PCDHA3: variants seen among roughly 807,000 people sequenced by gnomAD.
PCDHA3 encodes the protein protocadherin alpha-3.
Under a neutral mutation model 62.2 loss-of-function variants are expected in PCDHA3, and 41 were observed. The observed-to-expected ratio is 0.66, with a 90% CI of 0.51 to 0.86. PCDHA3 has a LOEUF of 0.86. Among genes scored for constraint, PCDHA3 ranks in the 40% least tolerant of loss-of-function variants. PCDHA3 has a pLI of 0.00. For synonymous variants in PCDHA3, 640 were observed against 555.4 expected (o/e 1.15, Z -2.14); for missense variants, 1,304 against 1,241.2 (o/e 1.05, Z -0.76).
chr5:140,801,241 TG>T lies in PCDHA3; in HGVS notation c.45del (p.Leu16PhefsTer62). 6.2e-7 allele frequency: 1 copy of T among 1,613,232 alleles called. No individual in the cohort carries two copies. The highest frequency in any genetic ancestry group is 1.7e-4 in the Middle Eastern group (1 of 5,990). ...GAAGATCCTGGAGCCCAGTGCCTGC[TG>T]CTTTCTCTTCTGCTCCTCGCAGCCT... ...WREDPGAQCL[L>X]LSLLLLAASE... On this transcript the variant is annotated frameshift_variant, in exon 1 of 4. Transcript: ENST00000522353. LOFTEE classifies it high-confidence loss of function.
chr5:140,834,722 G>T (rs1773225539), intron 1 of PCDHA3: 1 of 1,614,146 alleles, frequency 6.2e-7, no homozygotes, highest in Non-Finnish European at 8.5e-7. Context: ...TGGAAAGGCC[G>T]CTGCAGGTTT....
rs782621350 is a variant in PCDHA3 at position 140,876,591 on chromosome 5, C to T, written c.2394+73000C>T. ...TGGGTACCGTCATTGCCCTGATTAG[C>T]GTGTCGGATCGTGACTCTGGAGCCA... On this transcript the variant is annotated intron_variant, in intron 1 of 3. Transcript: ENST00000522353. 9.5e-5 allele frequency: 153 copies of T among 1,614,058 alleles called. 1 individual carries two copies. The highest frequency in any genetic ancestry group is 8.2e-4 in the Middle Eastern group (5 of 6,082).
intron 1 of PCDHA3, chr5:140,882,808 G>A (rs1554175666): frequency 6.2e-7 from 1 of 1,614,208 alleles, no homozygotes; most frequent in Non-Finnish European, 8.5e-7. Flanking sequence ...ATTTCACTTT[G>A]GACGCACAAA....
chr5:140,963,543 T>C (rs1390082859), intron 1 of PCDHA3, among the ~76,000 whole-genome samples: 2 of 152,238 alleles, frequency 1.3e-5, no homozygotes, highest in East Asian at 1.9e-4. Flanking sequence ...TACTTCATGA[T>C]ATAAAAAGGG....
At chr5:140,861,554 C>G (rs1023234694) in intron 1 of PCDHA3, 16 of 398,878 alleles carry the variant, frequency 4.0e-5, no homozygotes, top group African/African-American at 3.3e-4. Flanking sequence ...TGGAAGTGAT[C>G]GTGGACAAGC....
chr5:140,910,183 A>C (rs2074920018), intron 1 of PCDHA3, among the ~76,000 whole-genome samples: 1 of 152,238 alleles, frequency 6.6e-6, no homozygotes, highest in Non-Finnish European at 1.5e-5. Context: ...TTTATAATTC[A>C]AATTAGTCTT....
At chr5:140,860,143 GTA>G (rs1352808505) in intron 1 of PCDHA3, 2 of 148,758 alleles carry the variant, frequency 1.3e-5, no homozygotes, top group Non-Finnish European at 3.0e-5. Flanking sequence ...GTATATATAT[GTA>G]TATATGTGTA....
At chr5:140,959,611 C>T (rs2095501064) in intron 1 of PCDHA3, among the ~76,000 whole-genome samples, 1 of 151,848 alleles carries the variant, frequency 6.6e-6, no homozygotes, top group Non-Finnish European at 1.5e-5. Context: ...GCTTTTCTTG[C>T]TTGTGATAGA....
chr5:140,862,039 C>A (rs1554155581), intron 1 of PCDHA3: 1 of 155,382 alleles, frequency 6.4e-6, no homozygotes, highest in African/African-American at 2.4e-5. Context: ...GGGTTCAAAC[C>A]GTCACATTGT....
At chr5:140,875,277 G>T in intron 1 of PCDHA3, 1 of 1,315,080 alleles carries the variant, frequency 7.6e-7, no homozygotes, top group African/African-American at 1.5e-5. Context: ...CACTCAGAAG[G>T]TGAAACAGGA....
chr5:140,879,019 T>C (rs1554170641), intron 1 of PCDHA3, among the ~76,000 whole-genome samples: 2 of 152,216 alleles, frequency 1.3e-5, no homozygotes, highest in African/African-American at 4.8e-5. Flanking sequence ...AGATAATGTT[T>C]TATTGAAGAG....
At chr5:140,841,506 G>A in intron 1 of PCDHA3, 1 of 1,613,388 alleles carries the variant, frequency 6.2e-7, no homozygotes, top group Non-Finnish European at 8.5e-7. Context: ...CTGGTGCCGC[G>A]CCTGTTCCGG....
intron 1 of PCDHA3, chr5:140,834,199 G>A (rs1359433825): frequency 6.7e-6 from 4 of 595,280 alleles, no homozygotes; most frequent in African/African-American, 3.7e-5. Flanking sequence ...GCTCTTTACC[G>A]CAAATTCTTT....
intron 1 of PCDHA3, chr5:140,857,097 T>A: frequency 6.3e-7 from 1 of 1,597,284 alleles, no homozygotes; most frequent in South Asian, 1.1e-5. Context: ...CCTGAGGTGA[T>A]TGTCACTTCT....
At chr5:140,868,439 G>A (rs2050456620) in intron 1 of PCDHA3, 2 of 152,256 alleles carry the variant, frequency 1.3e-5, no homozygotes, top group South Asian at 4.2e-4. Flanking sequence ...TAGATCATGT[G>A]GAACATAAAC....
rs529079699 is a variant in PCDHA3, at chr5:140,984,687, T to C, written c.2542+2124T>C. ...TTAGGTTTTTAGGACTCAATATATGTTCTGCACTGCTTGGAGGGAATATGG... is the reference window on the plus strand; with the variant it reads ...TTAGGTTTTTAGGACTCAATATATGCTCTGCACTGCTTGGAGGGAATATGG... On this transcript the variant is annotated intron_variant, in intron 3 of 3. Transcript: ENST00000522353. Among the ~76,000 whole-genome samples the C allele has an allele frequency of 2.0e-5, 3 of 152,332 alleles. No individual in the cohort carries two copies. The East Asian group carries it at 5.8e-4, about 29-fold the overall frequency.
At chr5:140,809,106 C>G in intron 1 of PCDHA3, 2 of 1,613,952 alleles carry the variant, frequency 1.2e-6, no homozygotes, top group Non-Finnish European at 1.7e-6. Context: ...CTGGACGAAA[C>G]GGACGCTCCG....
At chr5:140,864,639 A>C (rs2048553058) in intron 1 of PCDHA3, 1 of 152,238 alleles carries the variant, frequency 6.6e-6, no homozygotes, top group South Asian at 2.1e-4. Flanking sequence ...ACAAAACAAA[A>C]CAATGTCAGC....
intron 1 of PCDHA3, chr5:140,877,232 C>A: frequency 6.2e-6 from 10 of 1,613,680 alleles, no homozygotes; most frequent in Non-Finnish European, 7.6e-6. Context: ...TCGGTGGGTG[C>A]GGGCCACGTG....
Sources: allele counts gnomAD v4.1 joint callset (sites outside exome capture counted in the v4.1 genomes callset), GRCh38; gene constraint gnomAD v4.1.1; transcripts MANE v1.5; gene names NCBI Gene and HGNC (gene_info 2026-07-23, HGNC 2026-07-21).